Variants in ATRN observed in about 807,000 individuals in gnomAD.
ATRN encodes the protein attractin.
In ATRN, 54 loss-of-function variants were observed where a neutral mutation model predicts 178.7. That is an observed-to-expected ratio of 0.30 (90% CI 0.24 to 0.38). The LOEUF (loss-of-function observed/expected upper bound fraction) is 0.38. Ranked by LOEUF, ATRN falls within the 10% of genes least tolerant of loss-of-function variation. The pLI, the probability that ATRN is intolerant of heterozygous loss-of-function variation, is 1.00. For synonymous variants in ATRN, 636 were observed against 663.0 expected, an observed-to-expected ratio of 0.96 and a Z score of 0.63; for missense variants, 1,443 against 1,815.1, an observed-to-expected ratio of 0.79 and a Z score of 3.73.
intron 19 of ATRN, among the ~76,000 whole-genome samples, 189 bp downstream of exon 19, chr20:3,591,495 A>C (rs1295023849): frequency 6.6e-6 from 1 of 152,242 alleles, no homozygotes; most frequent in Non-Finnish European, 1.5e-5. Flanking sequence ...TGGTTAAAGC[A>C]ACAAGCCAAA....
intron 5 of ATRN, among the ~76,000 whole-genome samples, chr20:3,548,596 A>G (rs1408646172): frequency 3.2e-5 from 2 of 63,058 alleles, no homozygotes; most frequent in Admixed American, 1.8e-4. Flanking sequence ...GCCAGACTCC[A>G]TCTCAAAAAA....
chr20:3,627,076 T>C (rs539314), intron 25 of ATRN, among the ~76,000 whole-genome samples: 132,196 of 152,250 alleles, frequency 0.87, 57,804 homozygotes, highest in East Asian at 1. Flanking sequence ...CATGAACCAC[T>C]GCGCTCAGTC....
At position 3,598,013 on chromosome 20, in the gene ATRN, A is replaced by G. The variant is rs748513962; in HGVS notation, c.3564+13A>G. 6 of 1,543,764 alleles carry G rather than the reference A, an allele frequency of 3.9e-6. No individual in the cohort carries two copies. In the South Asian group the frequency reaches 4.5e-5, roughly 12 times the overall value. On this transcript the variant is annotated intron_variant, in intron 22 of 28. Transcript: ENST00000262919. ...TACTCCTGACGAAGTAAGATTTTTT[A>G]AAGTCTTCCTATTTTGTTTTGAATT...
chr20:3,605,850 C>G (rs779131579), intron 24 of ATRN, among the ~76,000 whole-genome samples: 2 of 152,154 alleles, frequency 1.3e-5, no homozygotes, highest in East Asian at 3.8e-4. Flanking sequence ...CACTGTGGCA[C>G]ACGTTTACCT....
intron 25 of ATRN, among the ~76,000 whole-genome samples, chr20:3,630,019 C>T (rs2086977832): frequency 6.6e-6 from 1 of 152,116 alleles, no homozygotes; most frequent in African/African-American, 2.4e-5. Context: ...CATCTCCAGC[C>T]CCTTTCCCCT....
At chr20:3,613,316 GTGTTCTCAGTCCTCGCA>G (rs1214813664) in intron 24 of ATRN, among the ~76,000 whole-genome samples, 1 of 152,162 alleles carries the variant, frequency 6.6e-6, no homozygotes, top group Non-Finnish European at 1.5e-5. Context: ...GTGTCACCGT[GTGTTCTCAGTCCTCGCA>G]TGAGAGCCTG....
chr20:3,621,335 C>T (rs1423249178), intron 24 of ATRN, among the ~76,000 whole-genome samples: 1 of 148,340 alleles, frequency 6.7e-6, no homozygotes, highest in African/African-American at 2.4e-5. Flanking sequence ...GCACTTTTGG[C>T]TGAAGTGCAA....
chr20:3,535,291 G>T lies in ATRN; in HGVS notation c.449G>T (p.Gly150Val), dbSNP rs370539496. 6.5e-7 allele frequency: 1 copy of T among 1,550,274 alleles called. No homozygotes were observed. The highest frequency in any genetic ancestry group is 1.2e-5 in the South Asian group (1 of 82,066). ...TCTGGGTTTGTGACAGATGGACCTGGAAATTATAAATACAAAACGAAGTGC... is the reference window on the plus strand; with the variant it reads ...TCTGGGTTTGTGACAGATGGACCTGTAAATTATAAATACAAAACGAAGTGC... ...GSSGFVTDGP[G>V]NYKYKTKCTW... Residue 150 changes from glycine (G) to valine (V), a missense_variant, in exon 2 of 29, where the codon GGA becomes GTA. Physicochemically the swap from Gly to Val is moderately radical, Grantham distance 109. Around this residue, in one of 4 missense-constraint regions of ATRN, gnomAD observed 862 missense variants for 972.1 expected, o/e 0.89. Transcript: ENST00000262919.
rs3215678 is a variant in ATRN, at chr20:3,650,871, ACT to A, written c.*4026_*4027del. ...ATATGTATAATTTAGCATCTATTAC[ACT>A]CATGTAAATATGGAGTAAGTATTGT... On this transcript the variant is annotated 3_prime_UTR_variant, in exon 29 of 29. Transcript: ENST00000262919. The A allele has an allele frequency of 6.1e-3, 928 of 152,750 alleles. 51 individuals are homozygous for A. The East Asian group carries it at 0.12, about 20-fold the overall frequency. 9.5% of individuals were successfully genotyped at this position (152,750 alleles called of 1,614,324 possible).
At position 3,649,703 on chromosome 20, in the gene ATRN, G is replaced by A. The variant is rs1346829134; in HGVS notation, c.*2856G>A. The A allele has an allele frequency of 6.6e-6, 1 of 152,224 alleles. No homozygotes were observed. Among genetic ancestry groups the A allele is most frequent in the Non-Finnish European group, 1.5e-5 (1 of 68,054 alleles). The allele number at this position is 152,224 out of a possible 1,614,324, so 9.4% of individuals were successfully genotyped here. On this transcript the variant is annotated 3_prime_UTR_variant, in exon 29 of 29. Transcript: ENST00000262919. ...GCAGCCTCTTGGTGCTCTGGGTAGT[G>A]AGGGATGACCAGTCTTGTCCTGAGA...
Position 3,629,233 on chromosome 20 carries a change from A to C in ATRN, c.3863+4661A>C. 3 of 985,374 alleles carry C rather than the reference A, an allele frequency of 3.0e-6. No homozygotes were observed. The South Asian group carries it at 1.4e-4, about 46-fold the overall frequency. The allele number at this position is 985,374 out of a possible 1,614,324, so 61.0% of individuals were successfully genotyped here. ...ACAAAAAGTCCAGAGAAGACCTTTA[A>C]AGATCATGTATCTAGCCCCTTACCT... On this transcript the variant is annotated intron_variant, in intron 25 of 28. Transcript: ENST00000262919.
rs529898034 is a variant in ATRN at position 3,648,322 on chromosome 20, G to T, written c.*1475G>T. 1 of 152,566 alleles carries T rather than the reference G, an allele frequency of 6.6e-6. No individual in the cohort carries two copies. Among genetic ancestry groups the T allele is most frequent in the Non-Finnish European group, 1.5e-5 (1 of 68,030 alleles). The allele number at this position is 152,566 out of a possible 1,614,324, so 9.5% of individuals were successfully genotyped here. On this transcript the variant is annotated 3_prime_UTR_variant, in exon 29 of 29. Coordinates refer to ENST00000262919, the MANE Select transcript of ATRN (RefSeq NM_139321.3). ...AAAATGACCAAATTTAAGAGGGTGG[G>T]ACAGTCCCCTGCTCCTCTCCCAGAG...
intron 1 of ATRN, among the ~76,000 whole-genome samples, chr20:3,491,393 C>T (rs1009114483): frequency 2.6e-5 from 4 of 152,168 alleles, no homozygotes; most frequent in African/African-American, 7.2e-5. Flanking sequence ...AACTTCATAA[C>T]GTTTCACTGC....
chr20:3,492,854 G>GAGAGGC (rs1555807888), intron 1 of ATRN, among the ~76,000 whole-genome samples: 23 of 132,432 alleles, frequency 1.7e-4, no homozygotes, highest in African/African-American at 6.6e-4. Context: ...GAGAGAGAGA[G>GAGAGGC]GCGCGCGCGC....
Position 3,471,311 on chromosome 20 carries a change from C to T in ATRN, c.204C>T (p.Leu68=), listed in dbSNP as rs1363808562. The T allele has an allele frequency of 6.7e-7, 1 of 1,482,070 alleles. No individual in the cohort carries two copies. The highest frequency in any genetic ancestry group is 8.9e-7 in the Non-Finnish European group (1 of 1,125,434). The allele number at this position is 1,482,070 out of a possible 1,614,324, so 91.8% of individuals were successfully genotyped here. Residue 68 remains leucine, a synonymous_variant, in exon 1 of 29, where the codon CTC becomes CTT. Coordinates refer to ENST00000262919, the MANE Select transcript of ATRN (RefSeq NM_139321.3). ...RPRLLLLLLL[L]SPPLLLLLLP... is the part of the protein sequence containing the mutation. ...GGCTGCTGCTGCTGCTGTTGTTGCT[C>T]TCGCCGCCGCTGCTGCTGCTGCTGC...
At chr20:3,563,607 G>T (rs1052489332) in intron 10 of ATRN, among the ~76,000 whole-genome samples, 4 of 152,136 alleles carry the variant, frequency 2.6e-5, no homozygotes, top group African/African-American at 9.7e-5. Flanking sequence ...GCTGAGTTGA[G>T]GTGTCTAGTC....
Position 3,471,070 on chromosome 20 carries a change from T to A in ATRN, c.-38T>A. ...AGCGGAGCCGGCCGTGCGGTGTGTG[T>A]GTATGTGTTCGCGGGGCGCCGTCTC... On this transcript the variant is annotated 5_prime_UTR_variant, in exon 1 of 29. Transcript: ENST00000262919. The A allele has an allele frequency of 4.1e-6, 6 of 1,465,978 alleles. No individual in the cohort carries two copies. The allele number at this position is 1,465,978 out of a possible 1,614,324, so 90.8% of individuals were successfully genotyped here.
At chr20:3,543,598 G>T (rs562623307) in intron 3 of ATRN, among the ~76,000 whole-genome samples, 1 of 151,974 alleles carries the variant, frequency 6.6e-6, no homozygotes, top group Non-Finnish European at 1.5e-5. Flanking sequence ...GGTGGGGTGC[G>T]CCTGTAATCC....
chr20:3,639,070 A>G lies in ATRN; in HGVS notation c.4050+135A>G, dbSNP rs1230196342. On this transcript the variant is annotated intron_variant, in intron 27 of 28. Transcript: ENST00000262919. The stretch of plus-strand genomic sequence containing the variant: ...CTCTCTTTCTTTTTAACAATAAGCT[A>G]AAACCTGAAGTTGCTGGGTACTCTT... The G allele has an allele frequency of 6.4e-6, 4 of 625,844 alleles. No homozygotes were observed. In the South Asian group the frequency reaches 7.8e-5, roughly 12 times the overall value. The allele number at this position is 625,844 out of a possible 1,614,324, so 38.8% of individuals were successfully genotyped here.
Sources: gnomAD v4.1 joint callset for allele counts (sites outside exome capture counted in the v4.1 genomes callset) on GRCh38, gnomAD v4.1.1 for gene constraint, gnomAD v4.1.1 regional missense constraint, MANE v1.5 for transcripts, NCBI Gene and HGNC (gene_info 2026-07-23, HGNC 2026-07-21) for gene names.